The following PAIP2B variants were observed in gnomAD, a reference collection of about 807,000 sequenced individuals.
PAIP2B encodes the protein polyadenylate-binding protein-interacting protein 2B.
A neutral mutation model predicts 17.0 loss-of-function variants in PAIP2B; 13 were observed. That is an observed-to-expected ratio of 0.76 (90% CI 0.50 to 1.22). The LOEUF is 1.22. Ranked by LOEUF, PAIP2B falls within the 50% of genes most tolerant of loss-of-function variation. PAIP2B has a pLI of 0.00. For synonymous variants in PAIP2B, 43 were observed against 48.7 expected, an observed-to-expected ratio of 0.88 and a Z score of 0.48; for missense variants, 117 against 144.5, an observed-to-expected ratio of 0.81 and a Z score of 0.98.
intron 1 of PAIP2B, among the ~76,000 whole-genome samples, chr2:71,213,622 A>G (rs1451234316): frequency 6.6e-6 from 1 of 152,182 alleles, no homozygotes; most frequent in African/African-American, 2.4e-5. Flanking sequence ...TTTCAGTAAG[A>G]CTATTAGGCC....
At chr2:71,209,862 C>T (rs567096870) in intron 1 of PAIP2B, among the ~76,000 whole-genome samples, 3 of 151,418 alleles carry the variant, frequency 2.0e-5, no homozygotes, top group Non-Finnish European at 1.5e-5. Context: ...CTCACTCTGT[C>T]GCCCCAGGCT....
intron 1 of PAIP2B, among the ~76,000 whole-genome samples, chr2:71,226,514 C>T (rs1028958159): frequency 6.6e-6 from 1 of 152,176 alleles, no homozygotes; most frequent in Non-Finnish European, 1.5e-5. Flanking sequence ...CCCGCTCCAG[C>T]CCGGGGAGAG....
At chr2:71,194,280 T>G (rs112493520) in intron 2 of PAIP2B, among the ~76,000 whole-genome samples, 5 of 152,308 alleles carry the variant, frequency 3.3e-5, no homozygotes, top group African/African-American at 1.2e-4. Flanking sequence ...TTGATAGGAA[T>G]AGCATTGAAT....
chr2:71,189,841 T>C lies in PAIP2B; in HGVS notation c.315+4A>G. On this transcript the variant is annotated splice_donor_region_variant and intron_variant, in intron 3 of 3. Transcript: ENST00000244221. Reference sequence around the variant, plus strand: ...TAACCTGGGGAACTACATATGGCTCTTACCAAAATATCTTCAGAATCATGA... The same window carrying C: ...TAACCTGGGGAACTACATATGGCTCCTACCAAAATATCTTCAGAATCATGA... 6.5e-7 allele frequency: 1 copy of C among 1,549,578 alleles called. No homozygotes were observed. Among genetic ancestry groups the C allele is most frequent in the Non-Finnish European group, 8.7e-7 (1 of 1,145,844 alleles).
intron 2 of PAIP2B, among the ~76,000 whole-genome samples, chr2:71,200,628 T>G (rs1448447065): frequency 1.3e-5 from 2 of 152,150 alleles, no homozygotes; most frequent in Non-Finnish European, 2.9e-5. Flanking sequence ...GACACATGCC[T>G]GTAGTCCCAG....
intron 1 of PAIP2B, among the ~76,000 whole-genome samples, chr2:71,213,468 C>T (rs1572935408): frequency 6.6e-6 from 1 of 152,126 alleles, no homozygotes; most frequent in Non-Finnish European, 1.5e-5. Flanking sequence ...AAGGTCAGAA[C>T]ATTTCTTGGG....
In PAIP2B at chr2:71,185,367, G is replaced by C. The variant is rs1674510307; in HGVS notation, c.*3112C>G. On this transcript the variant is annotated 3_prime_UTR_variant, in exon 4 of 4. Coordinates refer to ENST00000244221, the MANE Select transcript of PAIP2B (RefSeq NM_020459.1). ...GAGCACAACAATTCAAGAGTAGCTT[G>C]GGAAATAGAGCAAGATCCAGTCTCT... 1 of 151,826 alleles carries C rather than the reference G, an allele frequency of 6.6e-6. No individual in the cohort carries two copies. Among genetic ancestry groups the C allele is most frequent in the Non-Finnish European group, 1.5e-5 (1 of 67,996 alleles). The allele number at this position is 151,826 out of a possible 1,614,324, so 9.4% of individuals were successfully genotyped here.
chr2:71,188,909 G>C (rs962243661), intron 3 of PAIP2B, among the ~76,000 whole-genome samples: 1 of 151,342 alleles, frequency 6.6e-6, no homozygotes, highest in African/African-American at 2.4e-5. Context: ...ACTCTCTTTG[G>C]TTCTCTACTC....
rs541331693 is a variant in PAIP2B, at chr2:71,208,226, C to T, written c.-11-5626G>A. ...ATCACTTGAGGTCAGGAGTTCGAGACCAGCCTGGCCAACATGGTGAAACCC... is the reference window on the plus strand; with the variant it reads ...ATCACTTGAGGTCAGGAGTTCGAGATCAGCCTGGCCAACATGGTGAAACCC... On this transcript the variant is annotated intron_variant, in intron 1 of 3. Transcript: ENST00000244221. Among the ~76,000 whole-genome samples the T allele has an allele frequency of 3.3e-5, 5 of 152,164 alleles. No homozygotes were observed. The South Asian group carries it at 1.0e-3, about 32-fold the overall frequency.
chr2:71,226,689 G>A (rs1402019133), intron 1 of PAIP2B, among the ~76,000 whole-genome samples: 2 of 152,164 alleles, frequency 1.3e-5, no homozygotes, highest in Non-Finnish European at 2.9e-5. Context: ...GGGGGAAAGG[G>A]ACGAAAACCC....
intron 1 of PAIP2B, among the ~76,000 whole-genome samples, chr2:71,220,499 CAATT>C (rs71400992): frequency 0.095 from 14,511 of 152,172 alleles, 759 homozygotes; most frequent in Non-Finnish European, 0.12. Flanking sequence ...CCTTGCCAAT[CAATT>C]ATTTCTAATT....
In PAIP2B at chr2:71,185,817, T is replaced by C. The variant is rs1674522416; in HGVS notation, c.*2662A>G. 7.6e-6 allele frequency: 1 copy of C among 131,406 alleles called. No homozygotes were observed. The highest frequency in any genetic ancestry group is 3.0e-5 in the African/African-American group (1 of 33,666). The allele number at this position is 131,406 out of a possible 1,614,324, so 8.1% of individuals were successfully genotyped here. On this transcript the variant is annotated 3_prime_UTR_variant, in exon 4 of 4. Transcript: ENST00000244221. ...CTGGAGAAACTGAAAATGCATTCAT[T>C]TGGGTTTTTTCCCTTGAAAAGAAAG...
chr2:71,221,034 C>T (rs770918244), intron 1 of PAIP2B, among the ~76,000 whole-genome samples: 3 of 152,216 alleles, frequency 2.0e-5, no homozygotes, highest in Non-Finnish European at 4.4e-5. Context: ...GATTTCACTA[C>T]AGTGTAATCA....
intron 2 of PAIP2B, among the ~76,000 whole-genome samples, chr2:71,193,379 G>A (rs1193564121): frequency 6.6e-6 from 1 of 152,264 alleles, no homozygotes; most frequent in African/African-American, 2.4e-5. Flanking sequence ...CTCCCTTTCT[G>A]TAGGTTGTCT....
chr2:71,198,465 T>G (rs1275718817), intron 2 of PAIP2B, among the ~76,000 whole-genome samples: 1 of 151,092 alleles, frequency 6.6e-6, no homozygotes, highest in Non-Finnish European at 1.5e-5. Context: ...TTTTGTATTT[T>G]TAGTAGAGAC....
At position 71,188,447 on chromosome 2, in the gene PAIP2B, G is replaced by T; in HGVS notation, c.*32C>A. The T allele has an allele frequency of 6.3e-7, 1 of 1,582,670 alleles. No homozygotes were observed. The highest frequency in any genetic ancestry group is 8.6e-7 in the Non-Finnish European group (1 of 1,157,524). On this transcript the variant is annotated 3_prime_UTR_variant, in exon 4 of 4. Coordinates refer to ENST00000244221, the MANE Select transcript of PAIP2B (RefSeq NM_020459.1). Reference sequence around the variant, plus strand: ...GTGCATTACTATCCCCAGATGTGGGGACAGACAAGTCTTCCTCAAAGCTTT... The same window carrying T: ...GTGCATTACTATCCCCAGATGTGGGTACAGACAAGTCTTCCTCAAAGCTTT...
intron 1 of PAIP2B, among the ~76,000 whole-genome samples, chr2:71,219,763 A>C (rs969868375): frequency 6.6e-6 from 1 of 152,196 alleles, no homozygotes; most frequent in African/African-American, 2.4e-5. Context: ...CTATCTATAA[A>C]TGTATGTGGC....
At chr2:71,189,740 G>C in intron 3 of PAIP2B, 105 bp downstream of exon 3, 1 of 1,110,068 alleles carries the variant, frequency 9.0e-7, no homozygotes, top group Non-Finnish European at 1.2e-6. Flanking sequence ...ACAGCTCACA[G>C]GGCTCCAGAC....
chr2:71,218,787 C>T (rs1439124160), intron 1 of PAIP2B, among the ~76,000 whole-genome samples: 2 of 151,724 alleles, frequency 1.3e-5, no homozygotes, highest in East Asian at 3.9e-4. Flanking sequence ...AGAAACATGC[C>T]CAAAATATAA....
Sources: allele counts gnomAD v4.1 joint callset (sites outside exome capture counted in the v4.1 genomes callset), GRCh38; gene constraint gnomAD v4.1.1; transcripts MANE v1.5; gene names NCBI Gene and HGNC (gene_info 2026-07-23, HGNC 2026-07-21).